The following ESR1 variants were observed in gnomAD, a reference collection of about 807,000 sequenced individuals.
ESR1 encodes estrogen receptor.
Under a neutral mutation model 52.7 loss-of-function variants are expected in ESR1, and 12 were observed. The ratio of observed to expected loss-of-function variants is 0.23; its 90% CI spans 0.15 to 0.37. The LOEUF (loss-of-function observed/expected upper bound fraction) is 0.37. Ranked by LOEUF, ESR1 falls within the 10% of genes least tolerant of loss-of-function variation. The probability of loss-of-function intolerance (pLI) is 1.00; values close to 1 mark genes in which losing one functional copy is unlikely to be tolerated. For synonymous variants in ESR1, 305 were observed against 316.8 expected, an observed-to-expected ratio of 0.96 and a Z score of 0.39; for missense variants, 584 against 779.7, an observed-to-expected ratio of 0.75 and a Z score of 2.99.
At chr6:152,109,279 C>T (rs566990249) in intron 6 of ESR1, among the ~76,000 whole-genome samples, 15 of 152,260 alleles carry the variant, frequency 9.9e-5, no homozygotes, top group East Asian at 3.9e-4. Flanking sequence ...CTACATCATA[C>T]GCCTTAAATA....
rs78993735 is a variant in ESR1, at chr6:151,790,697, T to C, written c.-70-17146T>C. On this transcript the variant is annotated intron_variant, in intron 2 of 2. Coordinates refer to the ESR1 transcript ENST00000404742. ...ACTAAATAGCTCTGTTTTAACATTT[T>C]GTTTATATACACACATTCATTTGAC... Among the ~76,000 whole-genome samples, 276 of 152,246 alleles carry C rather than the reference T, an allele frequency of 1.8e-3. 1 individual carries two copies. Among genetic ancestry groups the C allele is most frequent in the African/African-American group, 6.5e-3 (268 of 41,542 alleles).
At chr6:151,888,925 T>A (rs192806130) in intron 3 of ESR1, among the ~76,000 whole-genome samples, 1 of 152,182 alleles carries the variant, frequency 6.6e-6, no homozygotes, top group Admixed American at 6.5e-5. Context: ...ATTGAGATGA[T>A]TGTATGGTTT....
intron 4 of ESR1, among the ~76,000 whole-genome samples, chr6:151,967,795 C>T (rs1286493416): frequency 6.6e-6 from 1 of 152,304 alleles, no homozygotes; most frequent in South Asian, 2.1e-4. Flanking sequence ...TTTACACTCC[C>T]ACCAACAGTG....
intron 3 of ESR1, among the ~76,000 whole-genome samples, chr6:151,923,812 T>C (rs567183135): frequency 2.0e-5 from 3 of 152,210 alleles, no homozygotes; most frequent in Non-Finnish European, 4.4e-5. Flanking sequence ...TTCAAATTAG[T>C]TGGGTAAATA....
At chr6:151,699,787 G>C (rs981605073) in intron 1 of ESR1, among the ~76,000 whole-genome samples, 2 of 152,178 alleles carry the variant, frequency 1.3e-5, no homozygotes, top group African/African-American at 2.4e-5. Flanking sequence ...AGTTCTGAGA[G>C]ATCAAAGGAA....
At position 151,694,826 on chromosome 6, in the gene ESR1, A is replaced by G. The variant is rs910081266; in HGVS notation, c.-202+4162A>G. Among the ~76,000 whole-genome samples, 3 of 152,328 alleles carry G rather than the reference A, an allele frequency of 2.0e-5. No homozygotes were observed. The East Asian group carries it at 5.8e-4, about 29-fold the overall frequency. On this transcript the variant is annotated intron_variant, in intron 1 of 2. Coordinates refer to the ESR1 transcript ENST00000404742. ...AAAAAAAAGTAAGTTGTTATATGCA[A>G]TGCATAAATTATTACTTAGTTCCAT... is the stretch of plus-strand genomic sequence containing the variant.
chr6:151,931,949 G>C lies in ESR1; in HGVS notation c.761-12224G>C, dbSNP rs1294785836. ...TGTCTTTATAGCAGCATGATTTATA[G>C]TCATTTGGGCATATACCCAGTAATG... On this transcript the variant is annotated intron_variant, in intron 3 of 7. Coordinates refer to ENST00000206249, the MANE Select transcript of ESR1 (RefSeq NM_000125.4). 1.4e-3 allele frequency among the ~76,000 whole-genome samples: 205 copies of C among 145,382 alleles called. 1 individual carries two copies. The highest frequency in any genetic ancestry group is 2.2e-3 in the Non-Finnish European group (145 of 66,276).
At position 152,113,574 on chromosome 6, in the gene ESR1, T is replaced by TTGTGTG. The variant is rs149373494; in HGVS notation, c.851-11672_851-11667dup. ...ATTTGTGAAGAGGGAAGATCTCATA[T>TTGTGTG]TGTGTGTGTGTGTGTGTGTGTGTGT... On this transcript the variant is annotated intron_variant, in intron 6 of 6. Transcript: ENST00000427531. 4.2e-3 allele frequency among the ~76,000 whole-genome samples: 629 copies of TTGTGTG among 149,316 alleles called. 3 individuals are homozygous for TTGTGTG. Among genetic ancestry groups the TTGTGTG allele is most frequent in the African/African-American group, 0.014 (587 of 40,900 alleles).
At chr6:151,848,888 A>G (rs1411804456) in intron 2 of ESR1, among the ~76,000 whole-genome samples, 1 of 152,226 alleles carries the variant, frequency 6.6e-6, no homozygotes, top group South Asian at 2.1e-4. Context: ...AACATTCGAC[A>G]TATTCTCTCT....
At chr6:151,672,770 C>A (rs1450035606) in intron 1 of ESR1, among the ~76,000 whole-genome samples, 1 of 140,168 alleles carries the variant, frequency 7.1e-6, no homozygotes, top group Non-Finnish European at 1.6e-5. Flanking sequence ...ACCATGCCCG[C>A]CCTAAACCTT....
At chr6:152,056,937 T>G (rs1404586050) in intron 5 of ESR1, among the ~76,000 whole-genome samples, 2 of 152,190 alleles carry the variant, frequency 1.3e-5, no homozygotes, top group Non-Finnish European at 2.9e-5. Flanking sequence ...ACTAATCTTG[T>G]CTTTTACAGT....
exon 7 of ESR1, chr6:152,129,534 A>G (rs1159809343): frequency 6.8e-6 from 1 of 147,952 alleles, no homozygotes; most frequent in Admixed American, 6.9e-5. Flanking sequence ...TCCATACTTT[A>G]TTATTGCTAT....
chr6:151,691,440 T>C (rs1028478006), intron 1 of ESR1, among the ~76,000 whole-genome samples: 5 of 152,210 alleles, frequency 3.3e-5, no homozygotes, highest in African/African-American at 1.2e-4. Flanking sequence ...GTAAGTTTCA[T>C]ACTTTGTCAA....
intron 2 of ESR1, among the ~76,000 whole-genome samples, chr6:151,857,278 T>G (rs1788016515): frequency 6.6e-6 from 1 of 152,180 alleles, no homozygotes; most frequent in Non-Finnish European, 1.5e-5. Flanking sequence ...GTACATTGTA[T>G]TAGGTATTAT....
At chr6:151,669,732 C>G (rs528103729) in intron 1 of ESR1, among the ~76,000 whole-genome samples, 1 of 152,108 alleles carries the variant, frequency 6.6e-6, no homozygotes, top group African/African-American at 2.4e-5. Context: ...GAGCCTGGCC[C>G]GTAATAAACA....
chr6:151,723,643 C>T (rs1321548536), intron 2 of ESR1, among the ~76,000 whole-genome samples: 4 of 152,012 alleles, frequency 2.6e-5, no homozygotes, highest in East Asian at 1.9e-4. Context: ...CCGAGGTGGT[C>T]GGATCACCTG....
rs528524220 is a variant in ESR1 at position 152,112,145 on chromosome 6, C to T, written c.851-13121C>T. Among the ~76,000 whole-genome samples the T allele has an allele frequency of 6.6e-5, 10 of 152,208 alleles. No homozygotes were observed. In the South Asian group the frequency reaches 1.7e-3, roughly 25 times the overall value. On this transcript the variant is annotated intron_variant, in intron 6 of 6. Transcript: ENST00000427531. ...AGCCCAGCATCACAAGAACCTGGGTCCAGGCAGCAGAAAGACCTGAACCCA... is the reference window on the plus strand; with the variant it reads ...AGCCCAGCATCACAAGAACCTGGGTTCAGGCAGCAGAAAGACCTGAACCCA...
At chr6:151,942,830 T>C (rs2035231697) in intron 3 of ESR1, among the ~76,000 whole-genome samples, 1 of 152,220 alleles carries the variant, frequency 6.6e-6, no homozygotes, top group Admixed American at 6.5e-5. Flanking sequence ...ATCAAAACGA[T>C]TGCTTCCTTC....
At chr6:152,019,367 T>C (rs908025886) in intron 5 of ESR1, among the ~76,000 whole-genome samples, 1 of 152,156 alleles carries the variant, frequency 6.6e-6, no homozygotes, top group Non-Finnish European at 1.5e-5. Flanking sequence ...AAGGGTTCTA[T>C]TGGAATAAAG....
Sources: gnomAD v4.1 joint callset for allele counts (sites outside exome capture counted in the v4.1 genomes callset) on GRCh38, gnomAD v4.1.1 for gene constraint, MANE v1.5 for transcripts, NCBI Gene and HGNC (gene_info 2026-07-23, HGNC 2026-07-21) for gene names.